MIGA1: variants seen among roughly 807,000 people sequenced by gnomAD.
MIGA1 encodes family with sequence similarity 73, member A.
Under a neutral mutation model 82.0 loss-of-function variants are expected in MIGA1, and 58 were observed. The observed-to-expected ratio is 0.71, with a 90% CI of 0.57 to 0.88. MIGA1 has a LOEUF of 0.88. Among genes scored for constraint, MIGA1 ranks in the 40% least tolerant of loss-of-function variants. MIGA1 has a pLI of 0.00. For missense variants in MIGA1, 751 were observed against 749.1 expected (o/e 1.00, Z -0.03); for synonymous variants, 249 against 253.6 (o/e 0.98, Z 0.17).
intron 5 of MIGA1, chr1:77,811,432 A>C: frequency 6.4e-7 from 1 of 1,563,322 alleles, no homozygotes; most frequent in South Asian, 1.1e-5. Context: ...AATTCTTCTT[A>C]ATGGGACAGG....
intron 7 of MIGA1, among the ~76,000 whole-genome samples, chr1:77,822,084 T>TA (rs1183449513): frequency 2.0e-5 from 3 of 152,128 alleles, no homozygotes; most frequent in African/African-American, 7.2e-5. Context: ...AGGTGGTAGA[T>TA]ACATTAATTA....
Position 77,858,570 on chromosome 1 carries a change from T to C in MIGA1, c.997-368T>C, listed in dbSNP as rs1162052665. Among the ~76,000 whole-genome samples the C allele has an allele frequency of 2.0e-5, 3 of 152,330 alleles. No individual in the cohort carries two copies. The South Asian group carries it at 6.2e-4, about 32-fold the overall frequency. On this transcript the variant is annotated intron_variant, in intron 8 of 15. Coordinates refer to ENST00000370791, the MANE Select transcript of MIGA1 (RefSeq NM_198549.4). ...GCAAAATCCTATTTTCTTTCCTTTA[T>C]AGTTTATCTTCTTATATCAGTGTAT...
At chr1:77,855,523 G>A (rs142465502) in intron 8 of MIGA1, among the ~76,000 whole-genome samples, 1 of 152,220 alleles carries the variant, frequency 6.6e-6, no homozygotes, top group African/African-American at 2.4e-5. Context: ...CCATCCATGA[G>A]CATGGGATCT....
intron 7 of MIGA1, among the ~76,000 whole-genome samples, chr1:77,819,827 C>T (rs934755884): frequency 2.0e-5 from 3 of 152,048 alleles, no homozygotes; most frequent in Non-Finnish European, 4.4e-5. Flanking sequence ...AATGATCCAC[C>T]CAACTCGGCC....
chr1:77,848,691 G>A, intron 8 of MIGA1: 1 of 1,575,062 alleles, frequency 6.3e-7, no homozygotes, highest in South Asian at 1.1e-5. Flanking sequence ...CAGTGAGCAA[G>A]TTTGCAAAGA....
In MIGA1 at chr1:77,801,328, C is replaced by A; in HGVS notation, c.196-3C>A. On this transcript the variant is annotated splice_region_variant and splice_polypyrimidine_tract_variant and intron_variant, in intron 2 of 15. Coordinates refer to ENST00000370791, the MANE Select transcript of MIGA1 (RefSeq NM_198549.4). ...TTTTCAATTTTAACTGAATCTTTTC[C>A]AGATCAAATTTTCTCCGGTGGCTAA... The A allele has an allele frequency of 1.3e-6, 2 of 1,535,496 alleles. No individual in the cohort carries two copies. The highest frequency in any genetic ancestry group is 1.7e-6 in the Non-Finnish European group (2 of 1,150,984).
intron 14 of MIGA1, among the ~76,000 whole-genome samples, chr1:77,869,603 G>T (rs192335406): frequency 0.013 from 1,857 of 142,164 alleles, 22 homozygotes; most frequent in Non-Finnish European, 0.022. Context: ...CGGACGAGGC[G>T]GCTGGCCAGG....
In MIGA1 at chr1:77,878,580, A is replaced by C; in HGVS notation, c.*3516A>C. On this transcript the variant is annotated 3_prime_UTR_variant, in exon 16 of 16. Transcript: ENST00000370791. ...CATGAGCTCTACCATCCACTTCCAT[A>C]TGTAAATTATAAGAGGGACTTCAAT... The C allele has an allele frequency of 3.6e-6, 1 of 276,028 alleles. No homozygotes were observed. The highest frequency in any genetic ancestry group is 6.7e-6 in the Non-Finnish European group (1 of 148,948). 17.1% of individuals were successfully genotyped at this position (276,028 alleles called of 1,614,324 possible). A position where few individuals can be genotyped will look rare whatever the true frequency, so the allele number is the denominator to read the frequency against.
chr1:77,836,069 T>G (rs1467612655), intron 7 of MIGA1, among the ~76,000 whole-genome samples: 1 of 152,152 alleles, frequency 6.6e-6, no homozygotes, highest in Non-Finnish European at 1.5e-5. Flanking sequence ...TCTAGAGATT[T>G]TCATGTCCTG....
chr1:77,830,993 G>T (rs1483626148), intron 7 of MIGA1, among the ~76,000 whole-genome samples: 2 of 152,180 alleles, frequency 1.3e-5, no homozygotes, highest in East Asian at 3.8e-4. Flanking sequence ...ATATAAGTTA[G>T]TATATTCTTC....
intron 14 of MIGA1, among the ~76,000 whole-genome samples, chr1:77,872,730 A>G (rs1487788907): frequency 1.3e-5 from 2 of 152,238 alleles, no homozygotes; most frequent in East Asian, 1.9e-4. Context: ...TCTTAATAGC[A>G]TGGCTCATGA....
chr1:77,837,489 C>A (rs972754476), intron 7 of MIGA1, among the ~76,000 whole-genome samples: 1 of 152,094 alleles, frequency 6.6e-6, no homozygotes, highest in African/African-American at 2.4e-5. Flanking sequence ...CTCTCTGTTC[C>A]TTAGATTCCT....
At chr1:77,793,916 G>A (rs369753202) in intron 2 of MIGA1, among the ~76,000 whole-genome samples, 2 of 150,300 alleles carry the variant, frequency 1.3e-5, no homozygotes, top group East Asian at 2.0e-4. Context: ...CCTCCCAAGT[G>A]GTTGGGATTA....
chr1:77,836,260 GAAGAT>G (rs1293965501), intron 7 of MIGA1, among the ~76,000 whole-genome samples: 4 of 152,250 alleles, frequency 2.6e-5, no homozygotes, highest in African/African-American at 9.6e-5. Flanking sequence ...GAGGAACAGA[GAAGAT>G]AAGAAACTTA....
At chr1:77,872,281 T>A (rs1646852046) in intron 14 of MIGA1, among the ~76,000 whole-genome samples, 2 of 152,166 alleles carry the variant, frequency 1.3e-5, no homozygotes, top group Admixed American at 1.3e-4. Context: ...GATTGCTTTT[T>A]TATGAAGCAT....
At chr1:77,786,673 A>G (rs1557892794) in intron 2 of MIGA1, among the ~76,000 whole-genome samples, 1 of 152,244 alleles carries the variant, frequency 6.6e-6, no homozygotes, top group Non-Finnish European at 1.5e-5. Context: ...CCTTTGTGCC[A>G]GTTCCCAATG....
chr1:77,853,032 G>C (rs1055856055), intron 8 of MIGA1, among the ~76,000 whole-genome samples: 2 of 152,112 alleles, frequency 1.3e-5, no homozygotes, highest in Non-Finnish European at 2.9e-5. Context: ...TTTTGTAAGG[G>C]TTAAATAAAT....
chr1:77,844,109 AAAAAATATATAT>A (rs1340683098), intron 8 of MIGA1, among the ~76,000 whole-genome samples: 1 of 51,962 alleles, frequency 1.9e-5, no homozygotes, highest in African/African-American at 7.2e-5. Context: ...TTAAAAAAAA[AAAAAATATATAT>A]ATATATATAT....
intron 4 of MIGA1, among the ~76,000 whole-genome samples, chr1:77,804,076 A>G (rs1395850750): frequency 6.6e-6 from 1 of 152,240 alleles, no homozygotes; most frequent in Non-Finnish European, 1.5e-5. Context: ...AAAAATTAAA[A>G]TTAAAAAGAG....
Sources: allele counts gnomAD v4.1 joint callset (sites outside exome capture counted in the v4.1 genomes callset), GRCh38; gene constraint gnomAD v4.1.1; transcripts MANE v1.5; gene names NCBI Gene and HGNC (gene_info 2026-07-23, HGNC 2026-07-21).